Variants in ZFP90 observed in about 807,000 individuals in gnomAD.
ZFP90 encodes the protein ZFP90 zinc finger protein.
In ZFP90, 38 loss-of-function variants were observed where a neutral mutation model predicts 60.8. The ratio of observed to expected loss-of-function variants is 0.62; its 90% CI spans 0.48 to 0.82. The LOEUF is 0.82. ZFP90 is among the 40% of genes least tolerant of loss of function. ZFP90 has a pLI of 0.00. For missense variants in ZFP90, 711 were observed against 759.1 expected, an observed-to-expected ratio of 0.94 and a Z score of 0.74; for synonymous variants, 287 against 264.8, an observed-to-expected ratio of 1.08 and a Z score of -0.82.
At chr16:68,552,723 C>T (rs1381713071) in intron 2 of ZFP90, among the ~76,000 whole-genome samples, 1 of 152,086 alleles carries the variant, frequency 6.6e-6, no homozygotes, top group Admixed American at 6.5e-5. Flanking sequence ...GAAGCTCACA[C>T]TGAGGAATCT....
chr16:68,569,071 A>G (rs757985936), downstream of ZFP90, among the ~76,000 whole-genome samples: 6 of 151,648 alleles, frequency 4.0e-5, no homozygotes, highest in Admixed American at 1.3e-4. Flanking sequence ...AGAGCTGCCT[A>G]TTCCACTCCT....
At chr16:68,538,666 A>G (rs1043050333), upstream of ZFP90, among the ~76,000 whole-genome samples, 2 of 151,092 alleles carry the variant, frequency 1.3e-5, no homozygotes, top group African/African-American at 4.9e-5. Context: ...AAATCGCGCC[A>G]TTGCACTCCA....
At chr16:68,539,254 C>CG (rs1203765508), upstream of ZFP90, 1 of 153,522 alleles carries the variant, frequency 6.5e-6, no homozygotes, top group African/African-American at 2.4e-5. Context: ...GGCGTGGACC[C>CG]GGGGTTGCAG....
At position 68,539,836 on chromosome 16, in the gene ZFP90, C is replaced by G. The variant is rs775418754; in HGVS notation, c.33+11C>G. On this transcript the variant is annotated intron_variant, in intron 2 of 4. Coordinates refer to ENST00000563169, the MANE Select transcript of ZFP90 (RefSeq NM_001305203.2). ...ACCGCCGCGCCCCAGGTGAGCAACG[C>G]GTTCCTAACCTCCTGGGCATCCCAT... is the stretch of plus-strand genomic sequence containing the variant. 1.1e-5 allele frequency: 17 copies of G among 1,606,368 alleles called. No individual in the cohort carries two copies. The East Asian group carries it at 2.2e-4, about 21-fold the overall frequency.
chr16:68,567,058 G>A lies in ZFP90; in HGVS notation c.*2360G>A, dbSNP rs2091540035. 5 of 985,430 alleles carry A rather than the reference G, an allele frequency of 5.1e-6. No homozygotes were observed. The highest frequency in any genetic ancestry group is 6.0e-6 in the Non-Finnish European group (5 of 829,934). 61.0% of individuals were successfully genotyped at this position (985,430 alleles called of 1,614,324 possible). On this transcript the variant is annotated 3_prime_UTR_variant, in exon 5 of 5. Transcript: ENST00000563169. ...TGAACCATGCACTTATGGATACCCA[G>A]CCTTTTAGGGCTACGTGAAATGCAT...
At position 68,563,944 on chromosome 16, in the gene ZFP90, G is replaced by A; in HGVS notation, c.1157G>A (p.Arg386Lys). The change falls in exon 5 of 5, where the codon AGG becomes AAG. Residue 386 changes from arginine (R) to lysine (K), a missense_variant. Arg to Lys is a conservative substitution (Grantham distance 26). This residue lies in a region of ZFP90 where 146 missense variants were observed against 201.4 expected (regional missense o/e 0.73). Coordinates refer to ENST00000563169, the MANE Select transcript of ZFP90 (RefSeq NM_001305203.2). ...TGTTCTTCCCTTGTCCAACATGAGA[G>A]GACTCATACTGGAGAGAAACCTTTT... ...SRCSSLVQHE[R>K]THTGEKPFEC... 2 of 1,614,136 alleles carry A rather than the reference G, an allele frequency of 1.2e-6. No individual in the cohort carries two copies. The highest frequency in any genetic ancestry group is 1.7e-6 in the Non-Finnish European group (2 of 1,180,006).
rs1250695748 is a variant in ZFP90, at chr16:68,546,813, A to G, written c.33+6988A>G. Among the ~76,000 whole-genome samples, 3 of 152,218 alleles carry G rather than the reference A, an allele frequency of 2.0e-5. No individual in the cohort carries two copies. The East Asian group carries it at 5.8e-4, about 29-fold the overall frequency. ...AGGCGTGAGCCACCACGTCTGGCCA[A>G]AATCACACAGTATATCTTTTTGTGG... On this transcript the variant is annotated intron_variant, in intron 2 of 4. Transcript: ENST00000563169.
At position 68,564,470 on chromosome 16, in the gene ZFP90, C is replaced by T. The variant is rs1597752530; in HGVS notation, c.1683C>T (p.Ala561=). 1.2e-6 allele frequency: 2 copies of T among 1,613,902 alleles called. No homozygotes were observed. Among genetic ancestry groups the T allele is most frequent in the Non-Finnish European group, 1.7e-6 (2 of 1,179,930 alleles). Residue 561 remains alanine (A), a synonymous_variant, in exon 5 of 5, where the codon GCC becomes GCT. Transcript: ENST00000563169. ...KPYECIDCGK[A]FSQSSSLIQH... Reference sequence around the variant, plus strand: ...ATGAATGTATTGACTGTGGGAAAGCCTTTAGTCAAAGTTCATCTCTCATTC... The same window carrying T: ...ATGAATGTATTGACTGTGGGAAAGCTTTTAGTCAAAGTTCATCTCTCATTC...
chr16:68,543,663 C>T (rs1597717255), intron 2 of ZFP90, among the ~76,000 whole-genome samples: 2 of 151,662 alleles, frequency 1.3e-5, no homozygotes, highest in African/African-American at 2.4e-5. Flanking sequence ...CTGATTCAAG[C>T]TATTTTCCTG....
At chr16:68,557,872 A>C (rs577421263) in intron 2 of ZFP90, 126 bp from the exon 3 acceptor site, 78 of 1,303,462 alleles carry the variant, frequency 6.0e-5, no homozygotes, top group Non-Finnish European at 8.1e-5. Context: ...ATGTAACCCA[A>C]CATTGCCTCC....
chr16:68,540,978 G>C (rs1470644118), intron 2 of ZFP90, among the ~76,000 whole-genome samples: 1 of 136,154 alleles, frequency 7.3e-6, no homozygotes. Context: ...ACATGATCTT[G>C]GCTCACTGCA....
At chr16:68,562,958 A>G in intron 4 of ZFP90, 86 bp from the exon 5 acceptor site, 1 of 1,571,114 alleles carries the variant, frequency 6.4e-7, no homozygotes, top group Non-Finnish European at 8.6e-7. Flanking sequence ...GTCATATGTA[A>G]CTTATATGTC....
At position 68,539,322 on chromosome 16, in the gene ZFP90, T is replaced by C. The variant is rs1259267845; in HGVS notation, c.-193T>C. 1 of 167,912 alleles carries C rather than the reference T, an allele frequency of 6.0e-6. No individual in the cohort carries two copies. Among genetic ancestry groups the C allele is most frequent in the Non-Finnish European group, 1.3e-5 (1 of 78,956 alleles). The allele number at this position is 167,912 out of a possible 1,614,324, so 10.4% of individuals were successfully genotyped here. ...AGTTCTGCCCCACCGCTGCGGCCAT[T>C]GTCCGACCCCGGTGCGGCTGAGGCC... is the stretch of plus-strand genomic sequence containing the variant. On this transcript the variant is annotated 5_prime_UTR_variant, in exon 1 of 5. Transcript: ENST00000563169.
upstream of ZFP90, among the ~76,000 whole-genome samples, chr16:68,536,211 ATGTT>A (rs1419792467): frequency 3.3e-5 from 5 of 152,294 alleles, no homozygotes; most frequent in Admixed American, 6.5e-5. Flanking sequence ...GGTAGGCTCA[ATGTT>A]TGAGTGCTCT....
At chr16:68,573,350 C>T (rs971912839) in intron 2 of ZFP90, among the ~76,000 whole-genome samples, 12 of 152,158 alleles carry the variant, frequency 7.9e-5, no homozygotes, top group Non-Finnish European at 1.3e-4. Flanking sequence ...CAGGCTTCAT[C>T]GCCAGGTGCA....
At chr16:68,533,624 TGAAGATATAATTCTA>T (rs2090941604) in intron 1 of ZFP90, 1 of 152,226 alleles carries the variant, frequency 6.6e-6, no homozygotes, top group Non-Finnish European at 1.5e-5. Flanking sequence ...TCCTCATTGA[TGAAGATATAATTCTA>T]GCTGTCTTCC....
At position 68,566,379 on chromosome 16, in the gene ZFP90, GAT is replaced by G. The variant is rs1420648494; in HGVS notation, c.*1684_*1685del. Reference sequence around the variant, plus strand: ...GCCCTAAATATGAATCATGGGGCAAGATATTGGTCGTATTGATGGTGAACCTT... The same window carrying G: ...GCCCTAAATATGAATCATGGGGCAAGATTGGTCGTATTGATGGTGAACCTT... On this transcript the variant is annotated 3_prime_UTR_variant, in exon 5 of 5. Transcript: ENST00000563169. 4 of 985,430 alleles carry G rather than the reference GAT, an allele frequency of 4.1e-6. No homozygotes were observed. In the African/African-American group the frequency reaches 7.0e-5, roughly 17 times the overall value. 61.0% of individuals were successfully genotyped at this position (985,430 alleles called of 1,614,324 possible).
chr16:68,548,438 C>T (rs897347524), intron 2 of ZFP90, among the ~76,000 whole-genome samples: 7 of 51,700 alleles, frequency 1.4e-4, no homozygotes, highest in Non-Finnish European at 2.5e-4. Flanking sequence ...TTTCTTAACA[C>T]ACTAGTGTGT....
intron 2 of ZFP90, among the ~76,000 whole-genome samples, chr16:68,543,430 C>T (rs978717795): frequency 2.0e-5 from 3 of 152,054 alleles, no homozygotes; most frequent in Non-Finnish European, 4.4e-5. Context: ...CCACCTGAAG[C>T]GGGATGGGAC....
Sources: allele counts gnomAD v4.1 joint callset (sites outside exome capture counted in the v4.1 genomes callset), GRCh38; gene constraint gnomAD v4.1.1; regional missense constraint gnomAD v4.1.1; transcripts MANE v1.5; gene names NCBI Gene and HGNC (gene_info 2026-07-23, HGNC 2026-07-21).